C11orf42: variants seen among roughly 807,000 people sequenced by gnomAD.
C11orf42 encodes uncharacterized protein C11orf42.
A neutral mutation model predicts 27.9 loss-of-function variants in C11orf42; 24 were observed. The observed-to-expected ratio is 0.86, with a 90% CI of 0.62 to 1.21. C11orf42 has a LOEUF of 1.21. Among genes scored for constraint, C11orf42 ranks in the 50% most tolerant of loss-of-function variants. C11orf42 has a pLI of 0.00. For synonymous variants in C11orf42, 187 were observed against 180.8 expected (o/e 1.03, Z -0.28); for missense variants, 455 against 424.1 (o/e 1.07, Z -0.64).
chr11:6,209,975 AGG>A lies in C11orf42; in HGVS notation c.199_200del (p.Gly67SerfsTer23). ...RPAHTRLALPGRQGRRALKPV... is the reference protein window; with the variant it reads ...RPAHTRLALPXRQGRRALKPV... ...CAGCCCATACCCGCCTGGCTTTGCC[AGG>A]TCGGCAGGGCCGGAGGGCACTGAAA... is the stretch of plus-strand genomic sequence containing the variant. On this transcript the variant is annotated frameshift_variant, in exon 2 of 3. Coordinates refer to ENST00000316375, the MANE Select transcript of C11orf42 (RefSeq NM_173525.3). LOFTEE classifies it high-confidence loss of function. 3.1e-6 allele frequency: 5 copies of A among 1,613,484 alleles called. No individual in the cohort carries two copies. The highest frequency in any genetic ancestry group is 1.1e-5 in the South Asian group (1 of 91,078).
At chr11:6,207,240 A>G (rs1461232466) in intron 1 of C11orf42, among the ~76,000 whole-genome samples, 2 of 152,166 alleles carry the variant, frequency 1.3e-5, no homozygotes, top group Non-Finnish European at 2.9e-5. Context: ...TATTTTTCCT[A>G]TTTTAGGATA....
At position 6,209,876 on chromosome 11, in the gene C11orf42, T is replaced by G; in HGVS notation, c.99T>G (p.Asn33Lys). Residue 33 changes from asparagine to lysine, a missense_variant, in exon 2 of 3, where the codon AAT becomes AAG. By Grantham distance (94) the Asn-to-Lys change is moderately conservative (BLOSUM62 0). Coordinates refer to ENST00000316375, the MANE Select transcript of C11orf42 (RefSeq NM_173525.3). ...TCATCGAGGAGCACTTTGGGCCCAA[T>G]GCAGTAGCAGTACCTTTCCTGTCAG... ...DKVIEEHFGP[N>K]AVAVPFLSDA... 1 of 1,593,592 alleles carries G rather than the reference T, an allele frequency of 6.3e-7. No homozygotes were observed. The highest frequency in any genetic ancestry group is 8.6e-7 in the Non-Finnish European group (1 of 1,163,282).
In C11orf42 at chr11:6,205,687, G is replaced by A; in HGVS notation, c.72G>A (p.Lys24=). The A allele has an allele frequency of 6.2e-7, 1 of 1,613,284 alleles. No individual in the cohort carries two copies. The highest frequency in any genetic ancestry group is 1.1e-5 in the South Asian group (1 of 90,984). ...CCACCTGGACCCTCATCAAGGATAA[G>A]GTAGGTAAAGTAAGGAGGCTAAAGA... ...ADATWTLIKD[K]VIEEHFGPNA... The change falls in exon 1 of 3, where the codon AAG becomes AAA. Residue 24 remains lysine (K), a splice_region_variant and synonymous_variant. Transcript: ENST00000316375.
At chr11:6,209,752 A>T in intron 1 of C11orf42, 98 bp from the exon 2 acceptor site, 1 of 1,176,078 alleles carries the variant, frequency 8.5e-7, no homozygotes, top group Non-Finnish European at 1.2e-6. Context: ...AACACATTAT[A>T]GAGATGTAAC....
At position 6,210,958 on chromosome 11, in the gene C11orf42, T is replaced by G. The variant is rs754830658; in HGVS notation, c.918T>G (p.Gly306=). 2 of 1,608,008 alleles carry G rather than the reference T, an allele frequency of 1.2e-6. No individual in the cohort carries two copies. Among genetic ancestry groups the G allele is most frequent in the Non-Finnish European group, 1.7e-6 (2 of 1,178,082 alleles). The change falls in exon 3 of 3, where the codon GGT becomes GGG. Residue 306 remains glycine, a synonymous_variant. Transcript: ENST00000316375. The surrounding 1 kb of genome is among the most constrained non-coding windows in gnomAD (Gnocchi z 4.0). ...GCAGCCCTCCACCAGGAGCCCAGGG[T>G]GGGGGCCCCAGGGACCCCGACGGGC... ...SPRSPPPGAQ[G]GGPRDPDGHS...
At chr11:6,207,144 A>C (rs538674328) in intron 1 of C11orf42, among the ~76,000 whole-genome samples, 8 of 152,306 alleles carry the variant, frequency 5.3e-5, no homozygotes, top group Admixed American at 2.6e-4. Flanking sequence ...TTCTATGAAG[A>C]AGCAGAAGTT....
In C11orf42 at chr11:6,210,709, G is replaced by A; in HGVS notation, c.871+61G>A. ...AGGGACAAAGTGAAGGAGGGAGAAG[G>A]CATGAGAATTAAGTATGTGAGGAAT... On this transcript the variant is annotated intron_variant, in intron 2 of 2. Transcript: ENST00000316375. This position sits in a 1 kb window ranked among gnomAD's most constrained non-coding sequence, Gnocchi z 4.0. 2 of 1,551,342 alleles carry A rather than the reference G, an allele frequency of 1.3e-6. No individual in the cohort carries two copies. The highest frequency in any genetic ancestry group is 1.8e-6 in the Non-Finnish European group (2 of 1,136,196).
chr11:6,210,715 G>A lies in C11orf42; in HGVS notation c.871+67G>A. ...AAAGTGAAGGAGGGAGAAGGCATGA[G>A]AATTAAGTATGTGAGGAATCCATTA... On this transcript the variant is annotated intron_variant, in intron 2 of 2. Coordinates refer to ENST00000316375, the MANE Select transcript of C11orf42 (RefSeq NM_173525.3). This position sits in a 1 kb window ranked among gnomAD's most constrained non-coding sequence, Gnocchi z 4.0. 6.5e-7 allele frequency: 1 copy of A among 1,532,954 alleles called. No individual in the cohort carries two copies. The highest frequency in any genetic ancestry group is 1.2e-5 in the South Asian group (1 of 84,592). 95.0% of individuals were successfully genotyped at this position (1,532,954 alleles called of 1,614,324 possible).
rs753947415 is a variant in C11orf42, at chr11:6,205,573, C to G, written c.-43C>G. ...CACCTCCCTGGGCTGCCTGGGGTTCCTGCAGCAGCCACTGCCCTGCCCAAT... is the reference window on the plus strand; with the variant it reads ...CACCTCCCTGGGCTGCCTGGGGTTCGTGCAGCAGCCACTGCCCTGCCCAAT... On this transcript the variant is annotated 5_prime_UTR_variant, in exon 1 of 3. Coordinates refer to ENST00000316375, the MANE Select transcript of C11orf42 (RefSeq NM_173525.3). 4 of 1,544,956 alleles carry G rather than the reference C, an allele frequency of 2.6e-6. No homozygotes were observed. The African/African-American group carries it at 5.5e-5, about 21-fold the overall frequency.
At position 6,210,857 on chromosome 11, in the gene C11orf42, A is replaced by AGG; in HGVS notation, c.872-49_872-48dup. The AGG allele has an allele frequency of 4.6e-6, 7 of 1,521,934 alleles. No individual in the cohort carries two copies. Among genetic ancestry groups the AGG allele is most frequent in the African/African-American group, 1.4e-5 (1 of 71,200 alleles). 94.3% of individuals were successfully genotyped at this position (1,521,934 alleles called of 1,614,324 possible). ...GCACAGAGGACCAGAGGGAAAAGCT[A>AGG]GGGGGGGAAAAGACCAGCCATGAGT... On this transcript the variant is annotated intron_variant, in intron 2 of 2. Coordinates refer to ENST00000316375, the MANE Select transcript of C11orf42 (RefSeq NM_173525.3). The surrounding 1 kb of genome is among the most constrained non-coding windows in gnomAD (Gnocchi z 4.0).
In C11orf42 at chr11:6,211,079, G is replaced by C. The variant is rs769471328; in HGVS notation, c.*37G>C. 1.9e-6 allele frequency: 3 copies of C among 1,606,996 alleles called. No homozygotes were observed. In the East Asian group the frequency reaches 6.7e-5, roughly 36 times the overall value. On this transcript the variant is annotated 3_prime_UTR_variant, in exon 3 of 3. Transcript: ENST00000316375. ...AAGATTCCGGGGGCAAAGCCCCCAA[G>C]ATCTGGCATAGGGGTACTGGTCTCT... is the stretch of plus-strand genomic sequence containing the variant.
At chr11:6,209,119 T>C (rs901264060) in intron 1 of C11orf42, among the ~76,000 whole-genome samples, 2 of 144,090 alleles carry the variant, frequency 1.4e-5, no homozygotes, top group Non-Finnish European at 3.0e-5. Flanking sequence ...GAGGTTTCAG[T>C]GAGCCGAGAT....
chr11:6,208,915 C>T (rs1042419742), intron 1 of C11orf42, among the ~76,000 whole-genome samples: 2 of 152,102 alleles, frequency 1.3e-5, no homozygotes, highest in Non-Finnish European at 2.9e-5. Flanking sequence ...TGGCTCACAT[C>T]TGTAATCTCA....
intron 1 of C11orf42, among the ~76,000 whole-genome samples, chr11:6,209,173 C>CA (rs59276219): frequency 0.064 from 7,964 of 123,886 alleles, 257 homozygotes; most frequent in Non-Finnish European, 0.083. Flanking sequence ...AGAACCGACT[C>CA]AAAAAAAAAA....
Position 6,210,525 on chromosome 11 carries a change from G to C in C11orf42, c.748G>C (p.Asp250His). The C allele has an allele frequency of 6.2e-7, 1 of 1,613,690 alleles. No homozygotes were observed. Among genetic ancestry groups the C allele is most frequent in the East Asian group, 2.2e-5 (1 of 44,860 alleles). ...SAPADTTEAA[D>H]VPPPVPAPPT... ...ACCTGCTGATACAACTGAAGCTGCT[G>C]ATGTGCCCCCACCTGTCCCAGCCCC... Residue 250 changes from aspartate (D) to histidine (H), a missense_variant, in exon 2 of 3, where the codon GAT becomes CAT. Asp to His is a moderately conservative substitution (Grantham distance 81, BLOSUM62 -1). Coordinates refer to ENST00000316375, the MANE Select transcript of C11orf42 (RefSeq NM_173525.3). The surrounding 1 kb of genome is among the most constrained non-coding windows in gnomAD (Gnocchi z 4.0).
chr11:6,206,543 G>GC (rs1005752913), intron 1 of C11orf42, among the ~76,000 whole-genome samples: 31 of 124,878 alleles, frequency 2.5e-4, no homozygotes, highest in African/African-American at 8.0e-4. Flanking sequence ...ATAGAAGTCA[G>GC]CCTACCAGGC....
chr11:6,207,626 A>C (rs1400694725), intron 1 of C11orf42, among the ~76,000 whole-genome samples: 1 of 152,112 alleles, frequency 6.6e-6, no homozygotes, highest in Non-Finnish European at 1.5e-5. Context: ...TCAGAGCCCC[A>C]CCCAAAAGGA....
At position 6,210,003 on chromosome 11, in the gene C11orf42, C is replaced by G. The variant is rs1171271335; in HGVS notation, c.226C>G (p.Pro76Ala). 2 of 1,614,120 alleles carry G rather than the reference C, an allele frequency of 1.2e-6. No homozygotes were observed. Among genetic ancestry groups the G allele is most frequent in the Admixed American group, 3.3e-5 (2 of 60,034 alleles). Reference sequence around the variant, plus strand: ...TCGGCAGGGCCGGAGGGCACTGAAACCAGTGGGGCCACTACCAAGCCTCCT... The same window carrying G: ...TCGGCAGGGCCGGAGGGCACTGAAAGCAGTGGGGCCACTACCAAGCCTCCT... ...PGRQGRRALK[P>A]VGPLPSLLEQ... Residue 76 changes from proline to alanine, a missense_variant, in exon 2 of 3, where the codon CCA (proline) becomes GCA (alanine). Transcript: ENST00000316375. This position sits in a 1 kb window ranked among gnomAD's most constrained non-coding sequence, Gnocchi z 4.0.
rs375073488 is a variant in C11orf42, at chr11:6,210,334, G to T, written c.557G>T (p.Arg186Leu). The part of the protein sequence containing the change: ...TSTAREPQLL[R>L]LLRSLPVAFS... ...ACAGCCCGTGAGCCCCAGCTCCTCC[G>T]GCTACTTCGGTCATTACCTGTTGCC... is the stretch of plus-strand genomic sequence containing the variant. The change falls in exon 2 of 3, where the codon CGG becomes CTG. Residue 186 changes from arginine to leucine, a missense_variant. Physicochemically the swap from Arg to Leu is moderately radical, Grantham distance 102. Transcript: ENST00000316375. This position sits in a 1 kb window ranked among gnomAD's most constrained non-coding sequence, Gnocchi z 4.0. 4 of 1,613,998 alleles carry T rather than the reference G, an allele frequency of 2.5e-6. No individual in the cohort carries two copies. The highest frequency in any genetic ancestry group is 1.3e-5 in the African/African-American group (1 of 74,892).
Sources: allele counts gnomAD v4.1 joint callset (sites outside exome capture counted in the v4.1 genomes callset), GRCh38; gene constraint gnomAD v4.1.1; non-coding constraint Gnocchi (gnomAD v3.1); transcripts MANE v1.5; gene names NCBI Gene and HGNC (gene_info 2026-07-23, HGNC 2026-07-21).